The following NRG3 variants were observed in gnomAD, a reference collection of about 807,000 sequenced individuals.
NRG3 encodes neuregulin 3, also known as pro-neuregulin-3, membrane-bound isoform.
Under a neutral mutation model 66.9 loss-of-function variants are expected in NRG3, and 31 were observed. The ratio of observed to expected loss-of-function variants is 0.46; its 90% CI spans 0.35 to 0.63. The LOEUF is 0.63. Among genes scored for constraint, NRG3 ranks in the 20% least tolerant of loss-of-function variants. The pLI, the probability that NRG3 is intolerant of heterozygous loss-of-function variation, is 0.00. For missense variants in NRG3, 910 were observed against 878.9 expected, an observed-to-expected ratio of 1.04 and a Z score of -0.45; for synonymous variants, 393 against 359.4, an observed-to-expected ratio of 1.09 and a Z score of -1.06.
chr10:81,877,966 G>A (rs747530000), intron 1 of NRG3: 20 of 1,537,614 alleles, frequency 1.3e-5, no homozygotes, highest in Non-Finnish European at 1.7e-5. Flanking sequence ...GAATAATGGA[G>A]TGTGGTATAC....
intron 5 of NRG3, among the ~76,000 whole-genome samples, chr10:82,957,927 T>C (rs1850235214): frequency 6.8e-6 from 1 of 147,558 alleles, no homozygotes; most frequent in Non-Finnish European, 1.5e-5. Flanking sequence ...TGTGTGAGTG[T>C]TGTGTTTAAT....
At chr10:82,926,311 T>G (rs1846992875) in intron 4 of NRG3, among the ~76,000 whole-genome samples, 1 of 152,124 alleles carries the variant, frequency 6.6e-6, no homozygotes, top group African/African-American at 2.4e-5. Context: ...ATAAGAGACT[T>G]TAGTAGCCTT....
intron 1 of NRG3, among the ~76,000 whole-genome samples, chr10:81,931,060 T>C (rs58942960): frequency 0.085 from 12,876 of 152,210 alleles, 1,170 homozygotes; most frequent in East Asian, 0.22. Context: ...CCTGGCACAT[T>C]GATGTATTCA....
intron 8 of NRG3, among the ~76,000 whole-genome samples, chr10:82,979,927 G>A (rs78132743): frequency 3.3e-5 from 5 of 152,228 alleles, no homozygotes; most frequent in Middle Eastern, 3.4e-3. Flanking sequence ...AAATAGACCA[G>A]ACGCACTGCC....
intron 1 of NRG3, among the ~76,000 whole-genome samples, chr10:81,965,249 A>G (rs1162034730): frequency 6.6e-6 from 1 of 152,134 alleles, no homozygotes. Context: ...TATCTGAGAA[A>G]AATTTCTGTC....
intron 2 of NRG3, among the ~76,000 whole-genome samples, chr10:82,439,716 G>T (rs1442351740): frequency 1.3e-5 from 2 of 151,856 alleles, no homozygotes; most frequent in Admixed American, 1.3e-4. Flanking sequence ...TAATTAATTA[G>T]TTATATATTT....
chr10:82,093,598 C>T (rs2066156123), intron 1 of NRG3, among the ~76,000 whole-genome samples: 1 of 152,146 alleles, frequency 6.6e-6, no homozygotes, highest in Admixed American at 6.6e-5. Flanking sequence ...TGCTCATATG[C>T]CAGGTGGGGT....
At chr10:82,592,930 T>TA (rs1254547180) in intron 2 of NRG3, among the ~76,000 whole-genome samples, 1 of 152,204 alleles carries the variant, frequency 6.6e-6, no homozygotes, top group East Asian at 1.9e-4. Context: ...GGCTCAGACT[T>TA]AGACACTTGC....
At chr10:82,092,328 C>T (rs1379763312) in intron 1 of NRG3, among the ~76,000 whole-genome samples, 1 of 152,012 alleles carries the variant, frequency 6.6e-6, no homozygotes, top group African/African-American at 2.4e-5. Flanking sequence ...GGCTTGTTGC[C>T]TAATAGCCTG....
intron 2 of NRG3, among the ~76,000 whole-genome samples, chr10:82,424,120 A>G (rs1164015895): frequency 6.6e-6 from 1 of 151,984 alleles, no homozygotes; most frequent in Non-Finnish European, 1.5e-5. Flanking sequence ...AAGTTTTTGT[A>G]TGGACATATT....
chr10:81,967,915 T>G (rs1329597552), intron 1 of NRG3, among the ~76,000 whole-genome samples: 3 of 152,218 alleles, frequency 2.0e-5, no homozygotes, highest in Admixed American at 2.0e-4. Context: ...TTGTGTTTAC[T>G]AGTGTATTTG....
chr10:82,388,942 G>A (rs537424097), intron 2 of NRG3, among the ~76,000 whole-genome samples: 44 of 152,232 alleles, frequency 2.9e-4, no homozygotes, highest in Non-Finnish European at 5.3e-4. Context: ...AAAGGAGCCC[G>A]GGAATCTGCA....
rs73310897 is a variant in NRG3 at position 82,397,910 on chromosome 10, A to C, written c.953+39042A>C. ...GAGGGGCAAAGAAAGGTCAAGGAAG[A>C]CCTCCTGCTGCTGGCTTTGGGGGCA... On this transcript the variant is annotated intron_variant, in intron 2 of 8. Transcript: ENST00000372141. 7.0e-3 allele frequency among the ~76,000 whole-genome samples: 1,063 copies of C among 151,986 alleles called. 14 individuals are homozygous for C. Among genetic ancestry groups the C allele is most frequent in the African/African-American group, 0.025 (1,025 of 41,436 alleles).
At chr10:81,882,122 G>A (rs565884522) in intron 1 of NRG3, among the ~76,000 whole-genome samples, 1 of 152,230 alleles carries the variant, frequency 6.6e-6, no homozygotes, top group African/African-American at 2.4e-5. Flanking sequence ...AACAACTGAC[G>A]TAAACAAATC....
intron 3 of NRG3, among the ~76,000 whole-genome samples, chr10:82,785,325 G>A (rs1322036795): frequency 2.0e-5 from 3 of 151,338 alleles, no homozygotes; most frequent in South Asian, 2.1e-4. Context: ...TGCACATTGT[G>A]CACGTGTACC....
chr10:82,835,052 A>G lies in NRG3; in HGVS notation c.1028-30359A>G, dbSNP rs553936236. 9.8e-5 allele frequency among the ~76,000 whole-genome samples: 15 copies of G among 152,326 alleles called. No individual in the cohort carries two copies. The East Asian group carries it at 1.7e-3, about 18-fold the overall frequency. On this transcript the variant is annotated intron_variant, in intron 3 of 8. Transcript: ENST00000372141. ...GGCTGGCACCTTTTCTCAAGAAGCTATCTTGACCTGAAACTTACATTCTTT... is the reference window on the plus strand; with the variant it reads ...GGCTGGCACCTTTTCTCAAGAAGCTGTCTTGACCTGAAACTTACATTCTTT...
chr10:82,866,948 C>T (rs573170921), intron 4 of NRG3, among the ~76,000 whole-genome samples: 38 of 152,062 alleles, frequency 2.5e-4, no homozygotes, highest in Admixed American at 7.9e-4. Flanking sequence ...ATTCCAGTTA[C>T]TCATGATAAT....
chr10:82,632,109 TTAAAAAATAAAAATG>T (rs1389194565), intron 2 of NRG3, among the ~76,000 whole-genome samples: 4 of 151,972 alleles, frequency 2.6e-5, no homozygotes, highest in Admixed American at 1.3e-4. Context: ...GTCTCAAAAA[TTAAAAAATAAAAATG>T]TAAAAAATAA....
At chr10:82,862,359 C>A (rs766037375) in intron 3 of NRG3, among the ~76,000 whole-genome samples, 3 of 152,116 alleles carry the variant, frequency 2.0e-5, no homozygotes, top group Non-Finnish European at 4.4e-5. Flanking sequence ...CTCCAGTGTC[C>A]CACAGGCATA....
Sources: gnomAD v4.1 joint callset for allele counts (sites outside exome capture counted in the v4.1 genomes callset) on GRCh38, gnomAD v4.1.1 for gene constraint, MANE v1.5 for transcripts, NCBI Gene and HGNC (gene_info 2026-07-23, HGNC 2026-07-21) for gene names.